AUTS2: variants seen among roughly 807,000 people sequenced by gnomAD.
AUTS2 encodes activator of transcription and developmental regulator AUTS2.
In AUTS2, 17 loss-of-function variants were observed where a neutral mutation model predicts 112.4. The observed-to-expected ratio is 0.15, with a 90% confidence interval of 0.10 to 0.23. The LOEUF (loss-of-function observed/expected upper bound fraction) is 0.23. Among genes scored for constraint, AUTS2 ranks in the 10% least tolerant of loss-of-function variants. The pLI is 1.00. For synonymous variants in AUTS2, 751 were observed against 702.7 expected (o/e 1.07, Z -1.09); for missense variants, 1,510 against 1,701.6 (o/e 0.89, Z 1.98).
chr7:70,016,852 G>A (rs567040657), intron 2 of AUTS2, among the ~76,000 whole-genome samples: 12 of 152,142 alleles, frequency 7.9e-5, no homozygotes, highest in African/African-American at 2.7e-4. Flanking sequence ...ATTTTTAGTA[G>A]AGACAGGGTT....
At chr7:69,946,671 T>A (rs1310024115) in intron 2 of AUTS2, among the ~76,000 whole-genome samples, 1 of 152,050 alleles carries the variant, frequency 6.6e-6, no homozygotes, top group Non-Finnish European at 1.5e-5. Flanking sequence ...TATTTAGCCA[T>A]AAATAATGAA....
chr7:70,598,171 C>T (rs1382562087), intron 5 of AUTS2, among the ~76,000 whole-genome samples: 2 of 152,188 alleles, frequency 1.3e-5, no homozygotes, highest in Non-Finnish European at 2.9e-5. Flanking sequence ...TACAGAGTGT[C>T]ACTGTCCAGA....
At position 70,277,062 on chromosome 7, in the gene AUTS2, A is replaced by G. The variant is rs77834603; in HGVS notation, c.660+142491A>G. ...TATACATGGTTTTGTAATGGGAATT[A>G]AGGCCGAAATGGCATGTCAAGGCCA... On this transcript the variant is annotated intron_variant, in intron 4 of 18. Coordinates refer to ENST00000342771, the MANE Select transcript of AUTS2 (RefSeq NM_015570.4). 2.9e-3 allele frequency among the ~76,000 whole-genome samples: 445 copies of G among 152,334 alleles called. 6 individuals carry two copies. Among genetic ancestry groups the G allele is most frequent in the African/African-American group, 0.01 (430 of 41,584 alleles).
At chr7:70,514,998 A>G (rs944327771) in intron 5 of AUTS2, among the ~76,000 whole-genome samples, 10 of 152,038 alleles carry the variant, frequency 6.6e-5, no homozygotes, top group Non-Finnish European at 1.3e-4. Context: ...TTACCTGTAA[A>G]GCTCTTTATA....
intron 1 of AUTS2, among the ~76,000 whole-genome samples, chr7:69,796,182 A>G (rs915176454): frequency 6.6e-6 from 1 of 152,186 alleles, no homozygotes; most frequent in South Asian, 2.1e-4. Context: ...GGGTGAAAAG[A>G]TGTAACCTAA....
chr7:70,203,095 C>G (rs1810374994), intron 4 of AUTS2, among the ~76,000 whole-genome samples: 1 of 144,566 alleles, frequency 6.9e-6, no homozygotes, highest in Non-Finnish European at 1.5e-5. Flanking sequence ...ATCGCAAGAA[C>G]AAAAAACCAA....
chr7:70,378,815 T>C (rs900192177), intron 4 of AUTS2, among the ~76,000 whole-genome samples: 1 of 152,242 alleles, frequency 6.6e-6, no homozygotes, highest in African/African-American at 2.4e-5. Context: ...GCTTTAAAAG[T>C]GCTATACATA....
At chr7:69,874,720 G>C (rs1375413601) in intron 1 of AUTS2, among the ~76,000 whole-genome samples, 3 of 152,012 alleles carry the variant, frequency 2.0e-5, no homozygotes, top group Non-Finnish European at 2.9e-5. Flanking sequence ...GTGCAGTGAC[G>C]CGATCTCGGC....
chr7:70,777,023 T>C, intron 13 of AUTS2, 80 bp from the exon 14 acceptor site: 1 of 1,425,154 alleles, frequency 7.0e-7, no homozygotes, highest in Non-Finnish European at 9.9e-7. Context: ...AGCCAAAATC[T>C]GCTGAAAGCT....
At chr7:70,491,419 TACACAC>T (rs141971563) in intron 5 of AUTS2, among the ~76,000 whole-genome samples, 5 of 140,264 alleles carry the variant, frequency 3.6e-5, no homozygotes, top group African/African-American at 1.3e-4. Context: ...CGTGTGTGTA[TACACAC>T]ACACACACAC....
chr7:70,647,978 A>ATC (rs1196807593), intron 5 of AUTS2, among the ~76,000 whole-genome samples: 1 of 152,164 alleles, frequency 6.6e-6, no homozygotes, highest in Non-Finnish European at 1.5e-5. Flanking sequence ...CCATGGCCTG[A>ATC]TGTAGTGGTA....
chr7:70,026,957 G>A (rs1800548387), intron 2 of AUTS2, among the ~76,000 whole-genome samples: 1 of 151,330 alleles, frequency 6.6e-6, no homozygotes, highest in East Asian at 1.9e-4. Context: ...TTAGTTTTAT[G>A]ATAGTTTTGG....
intron 2 of AUTS2, among the ~76,000 whole-genome samples, chr7:70,097,677 G>A (rs1804274708): frequency 6.6e-6 from 1 of 152,160 alleles, no homozygotes; most frequent in Admixed American, 6.5e-5. Context: ...AGTCAAAAAT[G>A]GGTGAATAAT....
intron 5 of AUTS2, among the ~76,000 whole-genome samples, chr7:70,560,909 A>G (rs1442812544): frequency 6.6e-6 from 1 of 152,246 alleles, no homozygotes; most frequent in East Asian, 1.9e-4. Flanking sequence ...AAGCAGATAG[A>G]TCAGAAGATT....
chr7:70,146,621 T>C (rs1426433146), intron 4 of AUTS2, among the ~76,000 whole-genome samples: 3 of 152,128 alleles, frequency 2.0e-5, no homozygotes, highest in African/African-American at 7.2e-5. Flanking sequence ...ATGATAAAAG[T>C]GCAAACATGA....
At chr7:69,602,290 C>G (rs965217296) in intron 1 of AUTS2, among the ~76,000 whole-genome samples, 1 of 151,864 alleles carries the variant, frequency 6.6e-6, no homozygotes, top group Non-Finnish European at 1.5e-5. Flanking sequence ...TCTTTCTTTG[C>G]TCTGATTATT....
intron 4 of AUTS2, among the ~76,000 whole-genome samples, chr7:70,187,589 A>G (rs10276912): frequency 0.08 from 12,198 of 152,138 alleles, 633 homozygotes; most frequent in African/African-American, 0.13. Context: ...TCAGTTTTCC[A>G]TGAGGGAAGA....
chr7:70,211,592 T>C (rs1401896184), intron 4 of AUTS2, among the ~76,000 whole-genome samples: 5 of 138,452 alleles, frequency 3.6e-5, no homozygotes, highest in East Asian at 2.3e-4. Flanking sequence ...GAGGTTGCAG[T>C]GAGCCGAGAT....
rs543821495 is a variant in AUTS2 at position 70,648,442 on chromosome 7, T to C, written c.691-50127T>C. Among the ~76,000 whole-genome samples the C allele has an allele frequency of 2.1e-3, 325 of 152,352 alleles. 3 individuals are homozygous for C. The highest frequency in any genetic ancestry group is 7.5e-3 in the African/African-American group (311 of 41,578). ...CTGTGGTGAGTTTGCAGTTCTGTGT[T>C]GTATATGTCTGCACCAATGAGAGTT... On this transcript the variant is annotated intron_variant, in intron 5 of 18. Coordinates refer to ENST00000342771, the MANE Select transcript of AUTS2 (RefSeq NM_015570.4).
Sources: allele counts gnomAD v4.1 joint callset (sites outside exome capture counted in the v4.1 genomes callset), GRCh38; gene constraint gnomAD v4.1.1; transcripts MANE v1.5; gene names NCBI Gene and HGNC (gene_info 2026-07-23, HGNC 2026-07-21).